The following MAP9 variants were observed in gnomAD, a reference collection of about 807,000 sequenced individuals.
MAP9 encodes microtubule-associated protein 9.
In MAP9, 80 loss-of-function variants were observed where a neutral mutation model predicts 75.2. The ratio of observed to expected loss-of-function variants is 1.06; its 90% CI spans 0.89 to 1.28. MAP9 has a LOEUF of 1.28. MAP9 is among the 50% of genes most tolerant of loss of function. The pLI is 0.00. For synonymous variants in MAP9, 235 were observed against 237.3 expected (o/e 0.99, Z 0.09); for missense variants, 753 against 719.9 (o/e 1.05, Z -0.53).
intron 5 of MAP9, among the ~76,000 whole-genome samples, chr4:155,364,586 G>C (rs1732240458): frequency 6.8e-6 from 1 of 147,862 alleles, no homozygotes; most frequent in Non-Finnish European, 1.5e-5. Context: ...ATATAATACA[G>C]TAGATATATA....
At position 155,360,162 on chromosome 4, in the gene MAP9, A is replaced by C; in HGVS notation, c.1050+6T>G. 1 of 1,603,724 alleles carries C rather than the reference A, an allele frequency of 6.2e-7. No individual in the cohort carries two copies. ...TAGTATGAAAAGTATGAATTTTTAC[A>C]AATACCTTTGAAGATGCTGTTGCAC... On this transcript the variant is annotated splice_donor_region_variant and intron_variant, in intron 7 of 13. Transcript: ENST00000311277.
chr4:155,355,687 C>T, intron 9 of MAP9, 29 bp downstream of exon 9: 2 of 1,552,122 alleles, frequency 1.3e-6, no homozygotes, highest in Non-Finnish European at 1.8e-6. Context: ...GATCATTCTT[C>T]TTCTCTTAAA....
At chr4:155,350,429 A>G (rs2111186212) in intron 13 of MAP9, among the ~76,000 whole-genome samples, 1 of 152,218 alleles carries the variant, frequency 6.6e-6, no homozygotes, top group Middle Eastern at 3.4e-3. Flanking sequence ...ATTAAGTGCT[A>G]TAATTAAAAA....
intron 9 of MAP9, 147 bp from the exon 10 acceptor site, chr4:155,355,307 G>C (rs1434020144): frequency 1.4e-5 from 5 of 366,838 alleles, no homozygotes; most frequent in Non-Finnish European, 2.4e-5. Context: ...AAGACTTTTA[G>C]AATTGTGAAT....
At chr4:155,348,693 T>C (rs1731376029) in intron 13 of MAP9, among the ~76,000 whole-genome samples, 1 of 152,184 alleles carries the variant, frequency 6.6e-6, no homozygotes, top group Non-Finnish European at 1.5e-5. Context: ...TTTTGTAAAT[T>C]TTCTGCTCAA....
At chr4:155,373,649 A>C (rs1732706021) in intron 3 of MAP9, among the ~76,000 whole-genome samples, 193 bp from the exon 4 acceptor site, 1 of 152,230 alleles carries the variant, frequency 6.6e-6, no homozygotes, top group Admixed American at 6.5e-5. Context: ...ACATTTATGA[A>C]ATAAAAATTC....
Position 155,347,222 on chromosome 4 carries a change from T to TA in MAP9, c.*560dup, listed in dbSNP as rs1731318316. ...TAAAACATAAGGCAAAATTCTTAAA[T>TA]AAAAAGCCTTGATGATTAGAGTTCT... On this transcript the variant is annotated 3_prime_UTR_variant, in exon 14 of 14. Coordinates refer to ENST00000311277, the MANE Select transcript of MAP9 (RefSeq NM_001039580.2). 6.6e-6 allele frequency: 1 copy of TA among 152,156 alleles called. No homozygotes were observed. Among genetic ancestry groups the TA allele is most frequent in the South Asian group, 2.1e-4 (1 of 4,830 alleles). 9.4% of individuals were successfully genotyped at this position (152,156 alleles called of 1,614,324 possible). A position where few individuals can be genotyped will look rare whatever the true frequency, so the allele number is the denominator to read the frequency against.
intron 6 of MAP9, among the ~76,000 whole-genome samples, chr4:155,361,658 T>C (rs923468386): frequency 2.0e-5 from 3 of 152,058 alleles, no homozygotes; most frequent in Non-Finnish European, 4.4e-5. Context: ...TGTGCCTGTA[T>C]TGGAATCTAG....
intron 11 of MAP9, 37 bp downstream of exon 11, chr4:155,353,142 G>A (rs1329828048): frequency 6.5e-7 from 1 of 1,546,426 alleles, no homozygotes. Context: ...GATTTCAAAT[G>A]TTTTAAAATA....
rs1307110909 is a variant in MAP9, at chr4:155,346,983, T to G, written c.*800A>C. 6.6e-6 allele frequency: 1 copy of G among 152,340 alleles called. No homozygotes were observed. The highest frequency in any genetic ancestry group is 1.5e-5 in the Non-Finnish European group (1 of 68,026). 9.4% of individuals were successfully genotyped at this position (152,340 alleles called of 1,614,324 possible). The stretch of plus-strand genomic sequence containing the variant: ...GCCTAAATCACCTTTATGGCTTTAG[T>G]CAGGAAAATAATTATAGTGATAATG... On this transcript the variant is annotated 3_prime_UTR_variant, in exon 14 of 14. Transcript: ENST00000311277.
In MAP9 at chr4:155,373,211, C is replaced by A. The variant is rs1277415843; in HGVS notation, c.406G>T (p.Asp136Tyr). 2 of 1,606,246 alleles carry A rather than the reference C, an allele frequency of 1.2e-6. No individual in the cohort carries two copies. Among genetic ancestry groups the A allele is most frequent in the East Asian group, 4.5e-5 (2 of 44,696 alleles). Residue 136 changes from aspartate to tyrosine, a missense_variant, in exon 4 of 14, where the codon GAT becomes TAT. Coordinates refer to ENST00000311277, the MANE Select transcript of MAP9 (RefSeq NM_001039580.2). The stretch of plus-strand genomic sequence containing the variant: ...ATTTTGTCTTTTTCAAATTCCTCAT[C>A]CTTATTTTGAGATTCAGAGAAAGAT... ...VKSFSESQNK[D>Y]EEFEKDKIKM...
intron 13 of MAP9, among the ~76,000 whole-genome samples, chr4:155,350,661 T>C (rs1277662520): frequency 1.3e-5 from 2 of 152,008 alleles, no homozygotes; most frequent in African/African-American, 4.8e-5. Flanking sequence ...ACCTTTTTCA[T>C]TCAAAATTGA....
chr4:155,369,010 G>T (rs1017977697), intron 4 of MAP9, among the ~76,000 whole-genome samples, 198 bp from the exon 5 acceptor site: 10 of 152,116 alleles, frequency 6.6e-5, no homozygotes, highest in Admixed American at 3.9e-4. Context: ...AATCAGGCCG[G>T]ACGCGGTGGC....
In MAP9 at chr4:155,376,754, G is replaced by C. The variant is rs1732867276; in HGVS notation, c.-65+17C>G. 6.5e-6 allele frequency: 1 copy of C among 152,968 alleles called. No individual in the cohort carries two copies. The highest frequency in any genetic ancestry group is 1.5e-5 in the Non-Finnish European group (1 of 68,324). The allele number at this position is 152,968 out of a possible 1,614,324, so 9.5% of individuals were successfully genotyped here. A position where few individuals can be genotyped will look rare whatever the true frequency, so the allele number is the denominator to read the frequency against. On this transcript the variant is annotated intron_variant, in intron 1 of 13. Coordinates refer to ENST00000311277, the MANE Select transcript of MAP9 (RefSeq NM_001039580.2). The stretch of plus-strand genomic sequence containing the variant: ...CCCTGAGAATCAAGAGCCAAGCATC[G>C]GGTAGGAGCTGCTCACCTTGGTCTG...
At chr4:155,355,664 G>T (rs1342357015) in intron 9 of MAP9, 52 bp downstream of exon 9, 6 of 1,391,160 alleles carry the variant, frequency 4.3e-6, no homozygotes, top group Middle Eastern at 1.8e-4. Context: ...AAACAGTGTA[G>T]GCTTATGAAA....
chr4:155,347,675 C>A lies in MAP9; in HGVS notation c.*108G>T. ...TTTCATTGTCAGCAGGAGTGTCTGG[C>A]ATTTAATTAAAATATATTCCTCTAA... On this transcript the variant is annotated 3_prime_UTR_variant, in exon 14 of 14. Coordinates refer to ENST00000311277, the MANE Select transcript of MAP9 (RefSeq NM_001039580.2). The A allele has an allele frequency of 9.3e-7, 1 of 1,071,210 alleles. No individual in the cohort carries two copies. Among genetic ancestry groups the A allele is most frequent in the Non-Finnish European group, 1.3e-6 (1 of 771,394 alleles). 66.4% of individuals were successfully genotyped at this position (1,071,210 alleles called of 1,614,324 possible).
rs1346732555 is a variant in MAP9, at chr4:155,345,098, T to G, written c.*2685A>C. On this transcript the variant is annotated 3_prime_UTR_variant, in exon 14 of 14. Transcript: ENST00000311277. ...TAAGGAAATATGGGAAAATCATACC[T>G]TTTAAATAGGTAAATGTATATTCAA... The G allele has an allele frequency of 6.6e-6, 1 of 151,968 alleles. No homozygotes were observed. Among genetic ancestry groups the G allele is most frequent in the Non-Finnish European group, 1.5e-5 (1 of 67,906 alleles). The allele number at this position is 151,968 out of a possible 1,614,324, so 9.4% of individuals were successfully genotyped here. A position where few individuals can be genotyped will look rare whatever the true frequency, so the allele number is the denominator to read the frequency against.
At chr4:155,369,036 C>T (rs1421633197) in intron 4 of MAP9, among the ~76,000 whole-genome samples, 1 of 151,894 alleles carries the variant, frequency 6.6e-6, no homozygotes, top group Non-Finnish European at 1.5e-5. Context: ...CCTGTGATCC[C>T]GACATGTTGG....
chr4:155,348,628 G>T (rs1195878140), intron 13 of MAP9, among the ~76,000 whole-genome samples: 1 of 152,020 alleles, frequency 6.6e-6, no homozygotes, highest in African/African-American at 2.4e-5. Flanking sequence ...TAAAAATTCT[G>T]CCTCATGTTT....
Sources: allele counts gnomAD v4.1 joint callset (sites outside exome capture counted in the v4.1 genomes callset), GRCh38; gene constraint gnomAD v4.1.1; transcripts MANE v1.5; gene names NCBI Gene and HGNC (gene_info 2026-07-23, HGNC 2026-07-21).